Variants in IL1R1 observed in about 807,000 individuals in gnomAD.
The protein encoded by IL1R1 is interleukin 1 receptor type 1.
Under a neutral mutation model 50.2 loss-of-function variants are expected in IL1R1, and 22 were observed. That is an observed-to-expected ratio of 0.44 (90% CI 0.31 to 0.63). The LOEUF (loss-of-function observed/expected upper bound fraction) is 0.63. Among genes scored for constraint, IL1R1 ranks in the 20% least tolerant of loss-of-function variants. The probability of loss-of-function intolerance (pLI) is 0.07; values close to 1 mark genes in which losing one functional copy is unlikely to be tolerated. For synonymous variants in IL1R1, 251 were observed against 236.7 expected, an observed-to-expected ratio of 1.06 and a Z score of -0.55; for missense variants, 509 against 676.2, an observed-to-expected ratio of 0.75 and a Z score of 2.74.
chr2:102,156,199 G>A (rs997580409), intron 2 of IL1R1: 11 of 152,528 alleles, frequency 7.2e-5, no homozygotes, highest in African/African-American at 2.7e-4. Context: ...CAGACTGCGG[G>A]GCTTCAAAGC....
intron 1 of IL1R1, among the ~76,000 whole-genome samples, chr2:102,110,191 G>A (rs917200526): frequency 1.3e-5 from 2 of 152,130 alleles, no homozygotes; most frequent in African/African-American, 2.4e-5. Flanking sequence ...CTCATAGTGT[G>A]CACCATTCTA....
chr2:102,133,511 A>C (rs948341191), intron 1 of IL1R1, among the ~76,000 whole-genome samples: 19 of 152,196 alleles, frequency 1.2e-4, no homozygotes, highest in Non-Finnish European at 2.5e-4. Context: ...AATTCTAAAC[A>C]AAATAGTAGT....
intron 2 of IL1R1, among the ~76,000 whole-genome samples, chr2:102,154,979 C>G (rs555877491): frequency 1.3e-5 from 2 of 152,322 alleles, no homozygotes; most frequent in African/African-American, 2.4e-5. Context: ...CCAGTAGACA[C>G]CCCCACATCA....
chr2:102,153,269 C>G (rs945368905), intron 1 of IL1R1, among the ~76,000 whole-genome samples: 1 of 152,124 alleles, frequency 6.6e-6, no homozygotes, highest in Non-Finnish European at 1.5e-5. Context: ...ATGCACTGAG[C>G]CATGGCATCC....
At chr2:102,113,773 C>T (rs1235276442) in intron 1 of IL1R1, among the ~76,000 whole-genome samples, 1 of 152,202 alleles carries the variant, frequency 6.6e-6, no homozygotes, top group African/African-American at 2.4e-5. Flanking sequence ...GGATCAGCAG[C>T]CATCCATCTC....
chr2:102,127,574 A>AAT (rs1681785319), intron 1 of IL1R1, among the ~76,000 whole-genome samples: 1 of 152,078 alleles, frequency 6.6e-6, no homozygotes, highest in Admixed American at 6.6e-5. Context: ...AACAAGAAGT[A>AAT]ATATATATAG....
chr2:102,080,066 C>T (rs1165324353), intron 1 of IL1R1, among the ~76,000 whole-genome samples: 1 of 152,130 alleles, frequency 6.6e-6, no homozygotes, highest in African/African-American at 2.4e-5. Flanking sequence ...CTATCTCATA[C>T]TGTACACAAA....
chr2:102,135,777 T>C (rs200376416), intron 1 of IL1R1, among the ~76,000 whole-genome samples: 1 of 152,362 alleles, frequency 6.6e-6, no homozygotes, highest in East Asian at 1.9e-4. Context: ...GGTGAAGGAA[T>C]GTCCTATATC....
intron 10 of IL1R1, among the ~76,000 whole-genome samples, chr2:102,175,011 T>A (rs1303896634): frequency 6.6e-6 from 1 of 152,070 alleles, no homozygotes; most frequent in Non-Finnish European, 1.5e-5. Flanking sequence ...TTGGTAGGCC[T>A]TGCTCTGTGA....
upstream of IL1R1, chr2:102,142,037 A>T (rs867187059): frequency 9.2e-5 from 14 of 152,200 alleles, no homozygotes; most frequent in African/African-American, 2.9e-4. Flanking sequence ...AAGTTTAAAA[A>T]TTTAAAAACC....
At chr2:102,172,634 T>G (rs1346819125) in intron 8 of IL1R1, 53 bp from the exon 9 acceptor site, 1 of 1,474,004 alleles carries the variant, frequency 6.8e-7, no homozygotes, top group Non-Finnish European at 9.3e-7. Context: ...AGGTCTTATT[T>G]GTAGTTGATG....
rs1305134653 is a variant in IL1R1 at position 102,172,570 on chromosome 2, G to T, written c.840-117G>T. ...GAATGTTGTGACTGTGATTGGGCAG[G>T]GTGATTATTTCAGTGGCAATTTTGT... On this transcript the variant is annotated intron_variant, in intron 8 of 11. Coordinates refer to ENST00000410023, the MANE Select transcript of IL1R1 (RefSeq NM_000877.4). 4 of 1,071,878 alleles carry T rather than the reference G, an allele frequency of 3.7e-6. No individual in the cohort carries two copies. In the African/African-American group the frequency reaches 4.9e-5, roughly 13 times the overall value. The allele number at this position is 1,071,878 out of a possible 1,614,324, so 66.4% of individuals were successfully genotyped here. A position where few individuals can be genotyped will look rare whatever the true frequency, so the allele number is the denominator to read the frequency against.
Position 102,107,105 on chromosome 2 carries a change from C to T in IL1R1, c.-84+2233C>T, listed in dbSNP as rs570292295. On this transcript the variant is annotated intron_variant, in intron 1 of 10. Coordinates refer to the IL1R1 transcript ENST00000409329. ...AGGAAAGTTTAATTAATTTATGTGCCCACCAGCACTGTATGAACATTTTCC... is the reference window on the plus strand; with the variant it reads ...AGGAAAGTTTAATTAATTTATGTGCTCACCAGCACTGTATGAACATTTTCC... Among the ~76,000 whole-genome samples, 6 of 152,172 alleles carry T rather than the reference C, an allele frequency of 3.9e-5. No individual in the cohort carries two copies. In the South Asian group the frequency reaches 1.0e-3, roughly 26 times the overall value.
intron 8 of IL1R1, 30 bp from the exon 9 acceptor site, chr2:102,172,657 A>G: frequency 6.4e-7 from 1 of 1,561,134 alleles, no homozygotes; most frequent in South Asian, 1.2e-5. Flanking sequence ...ATTAACTTAC[A>G]CAAGTTTATT....
chr2:102,127,627 T>C (rs146420067), intron 1 of IL1R1, among the ~76,000 whole-genome samples: 2 of 151,192 alleles, frequency 1.3e-5, no homozygotes, highest in African/African-American at 2.4e-5. Flanking sequence ...CAGTAGGGAC[T>C]TCAGGTAAGA....
upstream of IL1R1, among the ~76,000 whole-genome samples, chr2:102,103,990 G>GAAAA (rs72041212): frequency 3.6e-4 from 30 of 83,804 alleles, 2 homozygotes; most frequent in African/African-American, 4.8e-4. Context: ...GACTGTCTCA[G>GAAAA]AAAAAAAAAA....
rs984743719 is a variant in IL1R1, at chr2:102,176,788, G to A, written c.*29G>A. The stretch of plus-strand genomic sequence containing the variant: ...GGAGAAGTTGCCAAGAGTTCTTTAG[G>A]TGCCTCCTGTCTTATGGCGTTGCAG... On this transcript the variant is annotated 3_prime_UTR_variant, in exon 12 of 12. Coordinates refer to ENST00000410023, the MANE Select transcript of IL1R1 (RefSeq NM_000877.4). 5 of 1,605,328 alleles carry A rather than the reference G, an allele frequency of 3.1e-6. No homozygotes were observed. Among genetic ancestry groups the A allele is most frequent in the East Asian group, 2.2e-5 (1 of 44,762 alleles).
Position 102,142,992 on chromosome 2 carries a change from C to G in IL1R1, c.-112C>G, listed in dbSNP as rs199742094. 6.6e-6 allele frequency: 1 copy of G among 152,396 alleles called. No individual in the cohort carries two copies. Among genetic ancestry groups the G allele is most frequent in the Non-Finnish European group, 1.5e-5 (1 of 68,230 alleles). The allele number at this position is 152,396 out of a possible 1,614,324, so 9.4% of individuals were successfully genotyped here. A position where few individuals can be genotyped will look rare whatever the true frequency, so the allele number is the denominator to read the frequency against. On this transcript the variant is annotated 5_prime_UTR_variant, in exon 1 of 12. In the 5' UTR this introduces an upstream ATG that the reference lacks. Transcript: ENST00000410023. ...GCCGGGTTCCGCCCGGGGCTGGGAT[C>G]CCATCACCCTCCACGGCCGTCCGTC...
At chr2:102,097,760 G>A (rs937611947) in intron 1 of IL1R1, among the ~76,000 whole-genome samples, 1 of 151,756 alleles carries the variant, frequency 6.6e-6, no homozygotes, top group Admixed American at 6.6e-5. Context: ...ATCCTACAAA[G>A]AATAGTTTGT....
Sources: allele counts gnomAD v4.1 joint callset (sites outside exome capture counted in the v4.1 genomes callset), GRCh38; gene constraint gnomAD v4.1.1; transcripts MANE v1.5; gene names NCBI Gene and HGNC (gene_info 2026-07-23, HGNC 2026-07-21).